The following HP1BP3 variants were observed in gnomAD, a reference collection of about 807,000 sequenced individuals.
HP1BP3 encodes heterochromatin protein 1-binding protein 3.
HP1BP3 carries 12 observed loss-of-function variants against 62.5 expected under a neutral mutation model. That is an observed-to-expected ratio of 0.19 (90% CI 0.12 to 0.31). The LOEUF is 0.31. Ranked by LOEUF, HP1BP3 falls within the 10% of genes least tolerant of loss-of-function variation. HP1BP3 has a pLI of 1.00. For missense variants in HP1BP3, 502 were observed against 651.8 expected, an observed-to-expected ratio of 0.77 and a Z score of 2.50; for synonymous variants, 260 against 237.8, an observed-to-expected ratio of 1.09 and a Z score of -0.86.
chr1:20,758,918 G>C (rs928834803), intron 8 of HP1BP3, among the ~76,000 whole-genome samples: 1 of 151,984 alleles, frequency 6.6e-6, no homozygotes, highest in Non-Finnish European at 1.5e-5. Context: ...CTCCCAAAGT[G>C]CTGGGATTAC....
chr1:20,771,563 T>A (rs1193336637), intron 5 of HP1BP3, among the ~76,000 whole-genome samples: 2 of 152,240 alleles, frequency 1.3e-5, no homozygotes, highest in Non-Finnish European at 2.9e-5. Flanking sequence ...GGTTTACAGA[T>A]GGCAAAGTGC....
intron 11 of HP1BP3, among the ~76,000 whole-genome samples, chr1:20,746,937 G>A (rs962879515): frequency 1.3e-5 from 2 of 152,122 alleles, no homozygotes; most frequent in Non-Finnish European, 2.9e-5. Context: ...GATCACTTGA[G>A]CCCAGGAGGC....
At chr1:20,756,676 T>A (rs572244231) in intron 9 of HP1BP3, among the ~76,000 whole-genome samples, 124 of 152,300 alleles carry the variant, frequency 8.1e-4, no homozygotes, top group Admixed American at 1.4e-3. Context: ...TTAAAGTAAA[T>A]CAATAAATAT....
At position 20,749,878 on chromosome 1, in the gene HP1BP3, T is replaced by C; in HGVS notation, c.986A>G (p.Lys329Arg). The change falls in exon 10 of 13, where the codon AAG becomes AGG. Residue 329 changes from lysine to arginine, a missense_variant. Around this residue, in one of 5 missense-constraint regions of HP1BP3, gnomAD observed 111 missense variants for 242.0 expected, o/e 0.46. Coordinates refer to ENST00000438032, the MANE Select transcript of HP1BP3 (RefSeq NM_001372052.1). ...GKGASGTFQLKKSGEKPLLGG... is the reference protein window; with the variant it reads ...GKGASGTFQLRKSGEKPLLGG... ...AAGCAGGGGTTTCTCCCCTGATTTC[T>C]TCAGCTGTTTTCCAAGGAGGAAGAG... 1 of 1,611,482 alleles carries C rather than the reference T, an allele frequency of 6.2e-7. No individual in the cohort carries two copies. The highest frequency in any genetic ancestry group is 8.5e-7 in the Non-Finnish European group (1 of 1,178,700).
Position 20,744,689 on chromosome 1 carries a change from G to T in HP1BP3, c.*108C>A, listed in dbSNP as rs1203242702. On this transcript the variant is annotated 3_prime_UTR_variant, in exon 13 of 13. Transcript: ENST00000438032. ...GAGTCCCTCCCCACAATGTTCATAG[G>T]GGAGGAAAATAATGTAATTTGAAAA... The T allele has an allele frequency of 9.4e-7, 1 of 1,064,716 alleles. No homozygotes were observed. The highest frequency in any genetic ancestry group is 1.3e-6 in the Non-Finnish European group (1 of 743,448). 66.0% of individuals were successfully genotyped at this position (1,064,716 alleles called of 1,614,324 possible). A position where few individuals can be genotyped will look rare whatever the true frequency, so the allele number is the denominator to read the frequency against.
intron 8 of HP1BP3, among the ~76,000 whole-genome samples, chr1:20,762,021 A>G (rs889176779): frequency 1.3e-5 from 2 of 152,196 alleles, no homozygotes; most frequent in African/African-American, 4.8e-5. Context: ...TAAAGTGGAG[A>G]AAGTGGAAGG....
chr1:20,775,687 CTG>C, intron 4 of HP1BP3: 1 of 287,130 alleles, frequency 3.5e-6, no homozygotes, highest in Non-Finnish European at 6.4e-6. Context: ...TATATTTTTA[CTG>C]TACCTTTTCT....
At chr1:20,771,440 T>C (rs1030136377) in intron 5 of HP1BP3, among the ~76,000 whole-genome samples, 1 of 152,196 alleles carries the variant, frequency 6.6e-6, no homozygotes, top group African/African-American at 2.4e-5. Flanking sequence ...ATCTGTCCCA[T>C]TTTAAGGCAC....
At chr1:20,782,908 GAAAAAAA>G (rs1056907677) in intron 1 of HP1BP3, among the ~76,000 whole-genome samples, 2 of 119,896 alleles carry the variant, frequency 1.7e-5, no homozygotes, top group Non-Finnish European at 3.4e-5. Context: ...TCAAAAAAAA[GAAAAAAA>G]AAAAAAAAAA....
At chr1:20,768,801 T>C (rs770797043) in intron 6 of HP1BP3, among the ~76,000 whole-genome samples, 8 of 152,032 alleles carry the variant, frequency 5.3e-5, no homozygotes, top group Admixed American at 2.0e-4. Flanking sequence ...GACCATGCCA[T>C]TGTGTAACAG....
chr1:20,763,753 C>T (rs2056615268), intron 8 of HP1BP3, among the ~76,000 whole-genome samples: 1 of 152,118 alleles, frequency 6.6e-6, no homozygotes, highest in Non-Finnish European at 1.5e-5. Context: ...TTTTACGTAT[C>T]AATTACTAAC....
At chr1:20,745,323 T>C (rs1405959746) in intron 12 of HP1BP3, among the ~76,000 whole-genome samples, 1 of 152,220 alleles carries the variant, frequency 6.6e-6, no homozygotes, top group African/African-American at 2.4e-5. Flanking sequence ...ATGTAATTAT[T>C]TTTCTTTGAA....
At chr1:20,772,706 G>C (rs2057113532) in intron 5 of HP1BP3, among the ~76,000 whole-genome samples, 1 of 152,018 alleles carries the variant, frequency 6.6e-6, no homozygotes, top group Admixed American at 6.6e-5. Flanking sequence ...CCTAACAACA[G>C]GGTCCCTGAA....
chr1:20,779,169 G>A (rs1182837398), intron 3 of HP1BP3, among the ~76,000 whole-genome samples: 2 of 151,030 alleles, frequency 1.3e-5, no homozygotes, highest in African/African-American at 2.4e-5. Flanking sequence ...GCTTATCCCT[G>A]AAAAACCTGA....
intron 9 of HP1BP3, among the ~76,000 whole-genome samples, chr1:20,754,426 A>T (rs543763922): frequency 3.6e-4 from 54 of 152,020 alleles, no homozygotes; most frequent in African/African-American, 1.2e-3. Flanking sequence ...AAATTGATCT[A>T]TAGGTTCAAG....
In HP1BP3 at chr1:20,745,670, A is replaced by T; in HGVS notation, c.1254-14T>A. The T allele has an allele frequency of 6.2e-7, 1 of 1,612,884 alleles. No homozygotes were observed. Among genetic ancestry groups the T allele is most frequent in the Non-Finnish European group, 8.5e-7 (1 of 1,179,446 alleles). ...AGAACTCCTGGGCTATACGGGGAAA[A>T]ATTAGATTAAAACACAAGTCCCATA... On this transcript the variant is annotated splice_polypyrimidine_tract_variant and intron_variant, in intron 11 of 12. Transcript: ENST00000438032.
chr1:20,764,139 G>A (rs1403797182), intron 8 of HP1BP3, among the ~76,000 whole-genome samples: 1 of 151,888 alleles, frequency 6.6e-6, no homozygotes, highest in East Asian at 1.9e-4. Flanking sequence ...GAAATGTCTT[G>A]TACTCATTTA....
At chr1:20,772,514 A>G (rs1360609875) in intron 5 of HP1BP3, among the ~76,000 whole-genome samples, 1 of 151,686 alleles carries the variant, frequency 6.6e-6, no homozygotes, top group Non-Finnish European at 1.5e-5. Context: ...ATGAGGTGAG[A>G]GCATAAGAAG....
At position 20,770,916 on chromosome 1, in the gene HP1BP3, C is replaced by T; in HGVS notation, c.654+14G>A. 1 of 1,569,766 alleles carries T rather than the reference C, an allele frequency of 6.4e-7. No homozygotes were observed. ...CACAATGAAATGATCTTACTACTAA[C>T]AATTGTGTAATACCTGTTTGATGAC... is the stretch of plus-strand genomic sequence containing the variant. On this transcript the variant is annotated intron_variant, in intron 6 of 12. Coordinates refer to ENST00000438032, the MANE Select transcript of HP1BP3 (RefSeq NM_001372052.1).
Sources: gnomAD v4.1 joint callset for allele counts (sites outside exome capture counted in the v4.1 genomes callset) on GRCh38, gnomAD v4.1.1 for gene constraint, gnomAD v4.1.1 regional missense constraint, MANE v1.5 for transcripts, NCBI Gene and HGNC (gene_info 2026-07-23, HGNC 2026-07-21) for gene names.